Variants in RDX observed in about 807,000 individuals in gnomAD.
RDX encodes the protein deafness, autosomal recessive 24.
A neutral mutation model predicts 83.7 loss-of-function variants in RDX; 32 were observed. The ratio of observed to expected loss-of-function variants is 0.38; its 90% CI spans 0.29 to 0.51. RDX has a LOEUF of 0.51. Among genes scored for constraint, RDX ranks in the 20% least tolerant of loss-of-function variants. The probability of loss-of-function intolerance (pLI) is 0.87; values close to 1 mark genes in which losing one functional copy is unlikely to be tolerated. For synonymous variants in RDX, 229 were observed against 222.7 expected (o/e 1.03, Z -0.25); for missense variants, 600 against 689.9 (o/e 0.87, Z 1.46).
chr11:110,255,728 C>T (rs1356786809), intron 7 of RDX, among the ~76,000 whole-genome samples: 5 of 151,804 alleles, frequency 3.3e-5, no homozygotes, highest in African/African-American at 1.2e-4. Context: ...CAAGCTACAA[C>T]TACAGTTTAA....
Position 110,247,774 on chromosome 11 carries a change from A to G in RDX, c.1019T>C (p.Ile340Thr), listed in dbSNP as rs1269884778. 1.9e-6 allele frequency: 3 copies of G among 1,607,324 alleles called. No homozygotes were observed. Among genetic ancestry groups the G allele is most frequent in the East Asian group, 2.2e-5 (1 of 44,720 alleles). ...CATTAGCTCTTCCTTTTCACGTTCT[A>G]TTCTTTCCTTTTCCTTTTCTGCTAT... ...REIAEKEKERIEREKEELMER... is the reference protein window; with the variant it reads ...REIAEKEKERTEREKEELMER... Residue 340 changes from isoleucine (I) to threonine (T), a missense_variant, in exon 10 of 14, where the codon ATA becomes ACA. By Grantham distance (89) the Ile-to-Thr change is moderately conservative (BLOSUM62 -1). Coordinates refer to ENST00000645495, the MANE Select transcript of RDX (RefSeq NM_002906.4).
intron 3 of RDX, among the ~76,000 whole-genome samples, chr11:110,270,656 G>C (rs552406578): frequency 6.2e-4 from 95 of 152,266 alleles, no homozygotes; most frequent in African/African-American, 2.2e-3. Flanking sequence ...TTTGTCCAAA[G>C]TCAAACAGCT....
At chr11:110,256,431 C>T (rs1037891012) in intron 7 of RDX, among the ~76,000 whole-genome samples, 2 of 152,156 alleles carry the variant, frequency 1.3e-5, no homozygotes, top group Non-Finnish European at 2.9e-5. Context: ...GAACACTATG[C>T]TACGTTTATA....
chr11:110,183,089 A>G (rs866558796), intron 15 of RDX, among the ~76,000 whole-genome samples: 5 of 152,174 alleles, frequency 3.3e-5, no homozygotes, highest in South Asian at 2.1e-4. Flanking sequence ...GTGATGACTC[A>G]AGCTTGCTAA....
intron 1 of RDX, among the ~76,000 whole-genome samples, chr11:110,284,162 C>T (rs756011193): frequency 5.9e-5 from 9 of 152,226 alleles, no homozygotes; most frequent in Non-Finnish European, 8.8e-5. Context: ...CAGATATTGG[C>T]TCCACATTTC....
At position 110,234,212 on chromosome 11, in the gene RDX, A is replaced by C. The variant is rs1024478441; in HGVS notation, c.1345-733T>G. Among the ~76,000 whole-genome samples, 6 of 152,208 alleles carry C rather than the reference A, an allele frequency of 3.9e-5. No individual in the cohort carries two copies. The East Asian group carries it at 1.2e-3, about 29-fold the overall frequency. On this transcript the variant is annotated intron_variant, in intron 12 of 13. Coordinates refer to ENST00000645495, the MANE Select transcript of RDX (RefSeq NM_002906.4). The stretch of plus-strand genomic sequence containing the variant: ...TAGATCTAACTTCTGGTTCAAAGGA[A>C]ATACTGGAGTTAAAGGATAAGGTCA...
Position 110,203,210 on chromosome 11 carries a change from T to G in RDX, c.1749-3532A>C, listed in dbSNP as rs147726677. 2.6e-4 allele frequency among the ~76,000 whole-genome samples: 39 copies of G among 152,230 alleles called. 1 individual carries two copies. Among genetic ancestry groups the G allele is most frequent in the Admixed American group, 2.6e-3 (39 of 15,276 alleles). ...ATAATGAGATCCTGTCATTTGCAACTACATGGATGGAACTGGAGATGGCTA... is the reference window on the plus strand; with the variant it reads ...ATAATGAGATCCTGTCATTTGCAACGACATGGATGGAACTGGAGATGGCTA... On this transcript the variant is annotated intron_variant, in intron 14 of 15. Coordinates refer to the RDX transcript ENST00000528498.
chr11:110,241,334 T>C (rs1865091350), intron 10 of RDX, among the ~76,000 whole-genome samples: 1 of 152,032 alleles, frequency 6.6e-6, no homozygotes, highest in South Asian at 2.1e-4. Context: ...TCTCACTCTG[T>C]TGCCCAGGCT....
At chr11:110,179,120 G>A (rs1471963617) in intron 15 of RDX, among the ~76,000 whole-genome samples, 2 of 152,208 alleles carry the variant, frequency 1.3e-5, no homozygotes, top group Admixed American at 6.5e-5. Flanking sequence ...TGCCGCAATG[G>A]CCATCCCAGG....
chr11:110,201,227 A>G (rs1231047945), intron 14 of RDX, among the ~76,000 whole-genome samples: 1 of 151,272 alleles, frequency 6.6e-6, no homozygotes. Context: ...GTATAGCTGT[A>G]GTTTTTCCAT....
At chr11:110,192,736 A>G (rs1863125872) in intron 15 of RDX, among the ~76,000 whole-genome samples, 1 of 152,220 alleles carries the variant, frequency 6.6e-6, no homozygotes, top group African/African-American at 2.4e-5. Flanking sequence ...AAAAGAAGAT[A>G]CAAGCAACGA....
At chr11:110,227,822 A>T (rs981836682), downstream of RDX, among the ~76,000 whole-genome samples, 4 of 152,104 alleles carry the variant, frequency 2.6e-5, no homozygotes, top group African/African-American at 9.7e-5. Context: ...ATAAACCTGA[A>T]TGCAAAGGAT....
chr11:110,201,420 G>C (rs1395316860), intron 14 of RDX, among the ~76,000 whole-genome samples: 1 of 152,186 alleles, frequency 6.6e-6, no homozygotes, highest in Non-Finnish European at 1.5e-5. Flanking sequence ...AGGCACAAGA[G>C]AGGGAATAGA....
intron 14 of RDX, among the ~76,000 whole-genome samples, chr11:110,217,566 A>C (rs1400746235): frequency 2.0e-5 from 3 of 152,182 alleles, no homozygotes. Flanking sequence ...TTCCTAACCG[A>C]CAGCCCAAGA....
intron 7 of RDX, among the ~76,000 whole-genome samples, chr11:110,256,003 G>GAAT (rs1859531168): frequency 6.6e-6 from 1 of 152,114 alleles, no homozygotes; most frequent in Non-Finnish European, 1.5e-5. Context: ...AAACTCTTGA[G>GAAT]ACTATACACA....
chr11:110,294,342 C>T (rs1422687994), intron 1 of RDX, among the ~76,000 whole-genome samples: 1 of 152,184 alleles, frequency 6.6e-6, no homozygotes, highest in Non-Finnish European at 1.5e-5. Context: ...TGCAGTGAGC[C>T]AAGATCATGC....
rs1859490115 is a variant in RDX, at chr11:110,255,206, A to C, written c.795+83T>G. ...TCCTCAGAAGCAATTTAATAAATGA[A>C]CACTGTTATTCTTCAAGTGATATCA... On this transcript the variant is annotated intron_variant, in intron 8 of 13. Transcript: ENST00000645495. 1.5e-5 allele frequency: 11 copies of C among 754,984 alleles called. No individual in the cohort carries two copies. The South Asian group carries it at 1.7e-4, about 12-fold the overall frequency. 46.8% of individuals were successfully genotyped at this position (754,984 alleles called of 1,614,324 possible).
chr11:110,251,640 T>C (rs1859346285), intron 9 of RDX, among the ~76,000 whole-genome samples: 1 of 152,182 alleles, frequency 6.6e-6, no homozygotes, highest in South Asian at 2.1e-4. Flanking sequence ...CATAGGTATG[T>C]AACTCTAAAC....
At chr11:110,286,590 C>T (rs1860988927) in intron 1 of RDX, among the ~76,000 whole-genome samples, 1 of 152,170 alleles carries the variant, frequency 6.6e-6, no homozygotes, top group East Asian at 1.9e-4. Context: ...AGCAGATTGC[C>T]TGATTTTACT....
Sources: gnomAD v4.1 joint callset for allele counts (sites outside exome capture counted in the v4.1 genomes callset) on GRCh38, gnomAD v4.1.1 for gene constraint, MANE v1.5 for transcripts, NCBI Gene and HGNC (gene_info 2026-07-23, HGNC 2026-07-21) for gene names.